Variants in RALYL observed in about 807,000 individuals in gnomAD.
The protein encoded by RALYL is RALY RNA binding protein like.
Under a neutral mutation model 35.1 loss-of-function variants are expected in RALYL, and 29 were observed. The observed-to-expected ratio is 0.83, with a 90% CI of 0.61 to 1.13. The LOEUF (loss-of-function observed/expected upper bound fraction) is 1.13, where lower values mean the gene tolerates loss of function less well. RALYL is among the 50% of genes most tolerant of loss of function. RALYL has a pLI of 0.00. For synonymous variants in RALYL, 120 were observed against 127.6 expected (o/e 0.94, Z 0.40); for missense variants, 359 against 360.4 (o/e 1.00, Z 0.03).
chr8:84,609,621 A>T (rs745687062), intron 2 of RALYL, among the ~76,000 whole-genome samples: 1 of 152,182 alleles, frequency 6.6e-6, no homozygotes, highest in Non-Finnish European at 1.5e-5. Flanking sequence ...AAACAATTTC[A>T]GTTTAACAGA....
chr8:84,682,210 A>T (rs951650678), intron 2 of RALYL, among the ~76,000 whole-genome samples: 3 of 152,160 alleles, frequency 2.0e-5, no homozygotes, highest in African/African-American at 7.2e-5. Context: ...ATGGTGGATA[A>T]GCTTTTTGAT....
At chr8:84,803,824 A>G (rs1823933143) in intron 3 of RALYL, among the ~76,000 whole-genome samples, 1 of 152,236 alleles carries the variant, frequency 6.6e-6, no homozygotes, top group African/African-American at 2.4e-5. Context: ...CACATTTATA[A>G]AAATAAATGT....
intron 2 of RALYL, among the ~76,000 whole-genome samples, chr8:84,676,983 G>A (rs1221728230): frequency 6.6e-6 from 1 of 151,960 alleles, no homozygotes; most frequent in East Asian, 1.9e-4. Flanking sequence ...TGTATTTTTA[G>A]TATGGACGGG....
intron 1 of RALYL, among the ~76,000 whole-genome samples, chr8:84,485,081 G>A (rs1029567896): frequency 2.0e-5 from 3 of 152,036 alleles, no homozygotes; most frequent in Admixed American, 6.6e-5. Flanking sequence ...CTTGAGCATC[G>A]TTGTAGCTTT....
intron 5 of RALYL, among the ~76,000 whole-genome samples, chr8:84,854,085 C>T (rs773919948): frequency 1.3e-5 from 2 of 152,138 alleles, no homozygotes; most frequent in Admixed American, 6.5e-5. Context: ...CGGTGGCTCA[C>T]GCCTGATCCC....
intron 2 of RALYL, among the ~76,000 whole-genome samples, chr8:84,689,997 G>A (rs1252087883): frequency 6.6e-6 from 1 of 152,064 alleles, no homozygotes; most frequent in Non-Finnish European, 1.5e-5. Context: ...ATTAAATCTG[G>A]AACAGCTACA....
At position 84,295,002 on chromosome 8, in the gene RALYL, C is replaced by T. The variant is rs72696336; in HGVS notation, c.-24+110578C>T. ...ATTGATTGCTGCAGAGGTTGTGCAT[C>T]AGAGTTCTATTGTCACGTATGATCT... On this transcript the variant is annotated intron_variant, in intron 1 of 8. Transcript: ENST00000521268. Among the ~76,000 whole-genome samples, 175 of 152,158 alleles carry T rather than the reference C, an allele frequency of 1.2e-3. 1 individual carries two copies. The highest frequency in any genetic ancestry group is 2.1e-3 in the Non-Finnish European group (141 of 67,996).
At chr8:84,689,007 C>A (rs141834451) in intron 2 of RALYL, among the ~76,000 whole-genome samples, 1 of 151,268 alleles carries the variant, frequency 6.6e-6, no homozygotes, top group Non-Finnish European at 1.5e-5. Flanking sequence ...AAATCCAAAC[C>A]GCAATAAGAT....
intron 6 of RALYL, among the ~76,000 whole-genome samples, chr8:84,865,237 A>G (rs1289894794): frequency 6.6e-6 from 1 of 152,180 alleles, no homozygotes; most frequent in African/African-American, 2.4e-5. Context: ...GAAAAGTATC[A>G]GTGAAATTTA....
intron 1 of RALYL, among the ~76,000 whole-genome samples, chr8:84,483,190 C>G (rs1433479741): frequency 6.6e-6 from 1 of 152,084 alleles, no homozygotes; most frequent in East Asian, 1.9e-4. Context: ...GCAGTGTTAC[C>G]TCTAAATGTG....
intron 1 of RALYL, among the ~76,000 whole-genome samples, chr8:84,478,764 A>T (rs897628374): frequency 2.0e-5 from 3 of 151,750 alleles, no homozygotes; most frequent in African/African-American, 7.3e-5. Context: ...CTGTCTTCAG[A>T]TATTCTCTTT....
chr8:84,672,230 C>T (rs1309174504), intron 2 of RALYL, among the ~76,000 whole-genome samples: 1 of 152,180 alleles, frequency 6.6e-6, no homozygotes, highest in Non-Finnish European at 1.5e-5. Context: ...CATTTCCCAA[C>T]AAGTTCCTCA....
chr8:84,492,785 G>A (rs971777244), intron 1 of RALYL, among the ~76,000 whole-genome samples: 1 of 151,934 alleles, frequency 6.6e-6, no homozygotes, highest in African/African-American at 2.4e-5. Context: ...GTAGTTTCTT[G>A]CATTATATTT....
At chr8:84,273,278 C>T (rs924847181) in intron 1 of RALYL, among the ~76,000 whole-genome samples, 3 of 152,320 alleles carry the variant, frequency 2.0e-5, no homozygotes, top group East Asian at 3.9e-4. Flanking sequence ...CATCAACTGC[C>T]AAGCTCACCC....
chr8:84,519,407 A>C (rs1355919095), intron 1 of RALYL, among the ~76,000 whole-genome samples: 1 of 152,166 alleles, frequency 6.6e-6, no homozygotes, highest in African/African-American at 2.4e-5. Flanking sequence ...ACATGACATA[A>C]ATAGGTTTGG....
chr8:84,222,697 A>AT (rs1822555192), intron 1 of RALYL, among the ~76,000 whole-genome samples: 1 of 152,136 alleles, frequency 6.6e-6, no homozygotes, highest in African/African-American at 2.4e-5. Context: ...ACTTTGGCCA[A>AT]TAGTAATCTG....
At chr8:84,912,404 CCA>C (rs1015015423) in intron 8 of RALYL, among the ~76,000 whole-genome samples, 1 of 151,898 alleles carries the variant, frequency 6.6e-6, no homozygotes, top group Non-Finnish European at 1.5e-5. Context: ...ATACAGAAAT[CCA>C]GTTTCAAAAA....
intron 5 of RALYL, among the ~76,000 whole-genome samples, chr8:84,858,397 G>GT (rs1312823769): frequency 4.6e-5 from 7 of 152,070 alleles, no homozygotes; most frequent in Non-Finnish European, 1.0e-4. Context: ...TATTTGATGA[G>GT]TAAGTATTTG....
chr8:84,635,421 AT>A (rs1824854075), intron 2 of RALYL, among the ~76,000 whole-genome samples: 2 of 151,440 alleles, frequency 1.3e-5, no homozygotes, highest in Admixed American at 1.3e-4. Flanking sequence ...TGCTTTCTGG[AT>A]AAATTTATCG....
Sources: gnomAD v4.1 joint callset for allele counts (sites outside exome capture counted in the v4.1 genomes callset) on GRCh38, gnomAD v4.1.1 for gene constraint, MANE v1.5 for transcripts, NCBI Gene and HGNC (gene_info 2026-07-23, HGNC 2026-07-21) for gene names.